Variants in IFT172 observed in about 807,000 individuals in gnomAD.
IFT172 encodes intraflagellar transport protein 172 homolog.
A neutral mutation model predicts 248.9 loss-of-function variants in IFT172; 164 were observed. That is an observed-to-expected ratio of 0.66 (90% CI 0.58 to 0.75). The LOEUF (loss-of-function observed/expected upper bound fraction) is 0.75, where lower values mean the gene tolerates loss of function less well. Among genes scored for constraint, IFT172 ranks in the 30% least tolerant of loss-of-function variants. The pLI is 0.00. For synonymous variants in IFT172, 729 were observed against 791.6 expected (o/e 0.92, Z 1.33); for missense variants, 1,950 against 2,192.4 (o/e 0.89, Z 2.21).
In IFT172 at chr2:27,485,398, G is replaced by T; in HGVS notation, c.145C>A (p.Arg49=). Residue 49 remains arginine (R), a synonymous_variant, in exon 2 of 48, where the codon CGG becomes AGG. Coordinates refer to ENST00000260570, the MANE Select transcript of IFT172 (RefSeq NM_015662.3). ...GGTTTGGTGGAGAATTTATCTCTCCGTTCTCCATGTTCATCATACAGCAAG... is the reference window on the plus strand; with the variant it reads ...GGTTTGGTGGAGAATTTATCTCTCCTTTCTCCATGTTCATCATACAGCAAG... The part of the protein sequence containing the change: ...VVLLYDEHGE[R]RDKFSTKPAD... The T allele has an allele frequency of 6.2e-7, 1 of 1,614,116 alleles. No individual in the cohort carries two copies. Among genetic ancestry groups the T allele is most frequent in the Non-Finnish European group, 8.5e-7 (1 of 1,180,042 alleles).
chr2:27,465,592 G>A, intron 17 of IFT172, 74 bp from the exon 18 acceptor site: 2 of 1,541,710 alleles, frequency 1.3e-6, no homozygotes, highest in South Asian at 1.1e-5. Context: ...CTGGTGATGG[G>A]GCAAGGGGAG....
At chr2:27,484,357 C>T (rs1317529856) in intron 3 of IFT172, 91 bp from the exon 4 acceptor site, 18 of 1,357,904 alleles carry the variant, frequency 1.3e-5, no homozygotes, top group East Asian at 5.1e-5. Context: ...TTTGGGAGGC[C>T]GAGGCGGGAG....
intron 7 of IFT172, among the ~76,000 whole-genome samples, chr2:27,482,494 A>C (rs1470018465): frequency 6.6e-6 from 1 of 151,950 alleles, no homozygotes; most frequent in African/African-American, 2.4e-5. Context: ...GTTTCACGTC[A>C]GGCTGGTTTC....
chr2:27,453,357 G>A (rs1230987436), intron 35 of IFT172, 27 bp downstream of exon 35: 5 of 1,610,930 alleles, frequency 3.1e-6, no homozygotes, highest in African/African-American at 1.3e-5. Context: ...GGGAGAAGGA[G>A]GGCCAGAAAG....
rs1482474153 is a variant in IFT172 at position 27,458,167 on chromosome 2, G to T, written c.2934C>A (p.Ala978=). The change falls in exon 27 of 48, where the codon GCC becomes GCA. Residue 978 remains alanine, a synonymous_variant. Coordinates refer to ENST00000260570, the MANE Select transcript of IFT172 (RefSeq NM_015662.3). ...EDVSVLYITQ[A]QEMEKQGKYR... ...ACTTGCCCTGCTTCTCCATTTCCTG[G>T]GCCTGAGTGATGTATAGCACTGACA... is the stretch of plus-strand genomic sequence containing the variant. The T allele has an allele frequency of 6.2e-7, 1 of 1,614,064 alleles. No homozygotes were observed. The highest frequency in any genetic ancestry group is 1.1e-5 in the South Asian group (1 of 91,072).
chr2:27,476,477 C>G (rs536286166), intron 14 of IFT172, among the ~76,000 whole-genome samples, 164 bp downstream of exon 14: 1 of 152,142 alleles, frequency 6.6e-6, no homozygotes, highest in Non-Finnish European at 1.5e-5. Flanking sequence ...CAGATGCACA[C>G]ATATTGACTT....
At chr2:27,481,350 C>A in intron 7 of IFT172, 90 bp from the exon 8 acceptor site, 7 of 908,796 alleles carry the variant, frequency 7.7e-6, no homozygotes, top group East Asian at 2.7e-5. Context: ...TCACTCTGAC[C>A]ATCATACCCT....
rs1667525718 is a variant in IFT172, at chr2:27,471,019, C to A, written c.1601G>T (p.Gly534Val). The change falls in exon 16 of 48, where the codon GGA becomes GTA. Residue 534 changes from glycine (G) to valine (V), a missense_variant. Gly to Val is a moderately radical substitution (Grantham distance 109). This residue lies in a region of IFT172 where 1,166 missense variants were observed against 1,254.1 expected (regional missense o/e 0.93). Transcript: ENST00000260570. ...GTTCTGAGCTACCAGCACGTCACTT[C>A]CTGGGACCCACTGCATATAGGAGCA... ...NFCSYMQWVP[G>V]SDVLVAQNRN... 1 of 1,614,058 alleles carries A rather than the reference C, an allele frequency of 6.2e-7. No individual in the cohort carries two copies. The highest frequency in any genetic ancestry group is 1.7e-5 in the Admixed American group (1 of 59,988).
intron 3 of IFT172, among the ~76,000 whole-genome samples, chr2:27,484,483 C>T (rs1386547291): frequency 2.6e-5 from 4 of 151,794 alleles, no homozygotes; most frequent in African/African-American, 7.3e-5. Flanking sequence ...CCCAGCTACT[C>T]GGGAGGCTGA....
At position 27,449,801 on chromosome 2, in the gene IFT172, C is replaced by T. The variant is rs1665487115; in HGVS notation, c.4051-1G>A. The T allele has an allele frequency of 6.2e-7, 1 of 1,606,392 alleles. No individual in the cohort carries two copies. The highest frequency in any genetic ancestry group is 8.5e-7 in the Non-Finnish European group (1 of 1,175,022). The stretch of plus-strand genomic sequence containing the variant: ...CCAGATTCAGATAGAGCTCTGCAGC[C>T]TGCACAGTGGGAAATCAGCGTGGAG... On this transcript the variant is annotated splice_acceptor_variant, in intron 36 of 47. Coordinates refer to ENST00000260570, the MANE Select transcript of IFT172 (RefSeq NM_015662.3). LOFTEE classifies it high-confidence loss of function.
chr2:27,478,642 T>G (rs1440580725), intron 10 of IFT172, among the ~76,000 whole-genome samples: 1 of 152,232 alleles, frequency 6.6e-6, no homozygotes, highest in Non-Finnish European at 1.5e-5. Flanking sequence ...TGTCCTCTGT[T>G]ATAATGATCT....
chr2:27,465,379 C>T (rs767349450), intron 18 of IFT172, 32 bp downstream of exon 18: 46 of 1,560,104 alleles, frequency 2.9e-5, no homozygotes, highest in Middle Eastern at 1.7e-4. Flanking sequence ...CTCCTAGCTG[C>T]GTGGCACCTC....
In IFT172 at chr2:27,461,026, G is replaced by A. The variant is rs1666617346; in HGVS notation, c.2510C>T (p.Ala837Val). Reference protein sequence around the residue: ...KALECYRKGNAFMKAVELARL... With the variant: ...KALECYRKGNVFMKAVELARL... ...TAGGTGGCTAGTACCTTTCATGAATGCGTTGCCTTTACGGTAGCACTCCAG... is the reference window on the plus strand; with the variant it reads ...TAGGTGGCTAGTACCTTTCATGAATACGTTGCCTTTACGGTAGCACTCCAG... Residue 837 changes from alanine to valine, a missense_variant, in exon 23 of 48, where the codon GCA (alanine) becomes GTA (valine). Around this residue, in one of 3 missense-constraint regions of IFT172, gnomAD observed 1,166 missense variants for 1,254.1 expected, o/e 0.93. Coordinates refer to ENST00000260570, the MANE Select transcript of IFT172 (RefSeq NM_015662.3). 1 of 1,614,046 alleles carries A rather than the reference G, an allele frequency of 6.2e-7. No individual in the cohort carries two copies. The highest frequency in any genetic ancestry group is 8.5e-7 in the Non-Finnish European group (1 of 1,180,042).
At chr2:27,449,459 C>T (rs2148477576) in intron 38 of IFT172, 40 bp downstream of exon 38, 2 of 1,614,008 alleles carry the variant, frequency 1.2e-6, no homozygotes, top group South Asian at 2.2e-5. Flanking sequence ...TTGTGAGTCT[C>T]TCCCTGCATT....
chr2:27,460,939 C>T, intron 23 of IFT172, 76 bp downstream of exon 23: 1 of 1,565,814 alleles, frequency 6.4e-7, no homozygotes, highest in Admixed American at 1.7e-5. Flanking sequence ...GGGCAACCCA[C>T]CCCTACAAGA....
intron 8 of IFT172, among the ~76,000 whole-genome samples, chr2:27,480,549 G>A (rs1668283254): frequency 6.6e-6 from 1 of 152,142 alleles, no homozygotes; most frequent in Non-Finnish European, 1.5e-5. Flanking sequence ...CCAGAGAAAT[G>A]ATGAGACCTG....
intron 1 of IFT172, 45 bp downstream of exon 1, chr2:27,489,570 G>C (rs775935594): frequency 1.3e-6 from 2 of 1,501,424 alleles, no homozygotes; most frequent in South Asian, 2.3e-5. Flanking sequence ...CACTTTTCTT[G>C]GAACATAAAG....
chr2:27,473,085 G>A (rs1032639473), intron 14 of IFT172, among the ~76,000 whole-genome samples: 3 of 151,900 alleles, frequency 2.0e-5, no homozygotes, highest in South Asian at 4.1e-4. Context: ...AAGTAAAATC[G>A]GCAGGGCATG....
intron 1 of IFT172, 22 bp downstream of exon 1, chr2:27,489,593 G>C (rs762017311): frequency 5.6e-6 from 9 of 1,596,096 alleles, no homozygotes; most frequent in Non-Finnish European, 7.7e-6. Context: ...TAAGGGGGAG[G>C]GACTGGCACG....
Sources: allele counts gnomAD v4.1 joint callset (sites outside exome capture counted in the v4.1 genomes callset), GRCh38; gene constraint gnomAD v4.1.1; regional missense constraint gnomAD v4.1.1; transcripts MANE v1.5; gene names NCBI Gene and HGNC (gene_info 2026-07-23, HGNC 2026-07-21).